RNASET2: variants seen among roughly 807,000 people sequenced by gnomAD.
RNASET2 encodes ribonuclease T2, also known as ribonuclease 6.
A neutral mutation model predicts 33.9 loss-of-function variants in RNASET2; 28 were observed. That is an observed-to-expected ratio of 0.83 (90% CI 0.61 to 1.13). The LOEUF is 1.13. Ranked by LOEUF, RNASET2 falls within the 50% of genes most tolerant of loss-of-function variation. The pLI is 0.00. For missense variants in RNASET2, 330 were observed against 319.9 expected, an observed-to-expected ratio of 1.03 and a Z score of -0.24; for synonymous variants, 123 against 121.0, an observed-to-expected ratio of 1.02 and a Z score of -0.11.
intron 8 of RNASET2, 118 bp downstream of exon 8, chr6:166,930,926 G>T: frequency 1.3e-6 from 1 of 798,764 alleles, no homozygotes; most frequent in South Asian, 1.4e-5. Flanking sequence ...CACATATACA[G>T]ACACAAATGC....
intron 7 of RNASET2, chr6:166,931,485 A>T (rs1778438946): frequency 2.9e-6 from 1 of 344,478 alleles, no homozygotes; most frequent in South Asian, 2.8e-5. Flanking sequence ...TTCGCGGCCC[A>T]TAAAGCTTTC....
intron 8 of RNASET2, among the ~76,000 whole-genome samples, chr6:166,930,542 C>A (rs1192780902): frequency 6.7e-6 from 1 of 149,060 alleles, no homozygotes; most frequent in East Asian, 2.0e-4. Context: ...ACACACATGC[C>A]CACATGCATG....
In RNASET2 at chr6:166,926,566, T is replaced by A. The variant is rs955419926; in HGVS notation, c.*3022A>T. Among the ~76,000 whole-genome samples the A allele has an allele frequency of 1.6e-4, 24 of 150,666 alleles. No homozygotes were observed. Among genetic ancestry groups the A allele is most frequent in the East Asian group, 9.7e-4 (5 of 5,146 alleles). On this transcript the variant is annotated 3_prime_UTR_variant, in exon 9 of 9. Transcript: ENST00000508775. The stretch of plus-strand genomic sequence containing the variant: ...AAAAAAAAGAAAAGAAAAGAAAAGA[T>A]ATCTAGTTCTGAATATGATACAATT...
intron 5 of RNASET2, 102 bp from the exon 6 acceptor site, chr6:166,939,110 G>T: frequency 1.2e-6 from 1 of 812,236 alleles, no homozygotes; most frequent in Non-Finnish European, 2.1e-6. Context: ...GAAGGGGGTG[G>T]ATCACCTGAG....
At chr6:166,943,140 C>G (rs775550915) in intron 4 of RNASET2, 51 bp from the exon 5 acceptor site, 2 of 1,364,326 alleles carry the variant, frequency 1.5e-6, no homozygotes. Flanking sequence ...ATAATAAACT[C>G]AAAACCTAGA....
rs775762975 is a variant in RNASET2, at chr6:166,948,566, T to C, written c.203+4A>G. 7.6e-6 allele frequency: 12 copies of C among 1,588,278 alleles called. No individual in the cohort carries two copies. The highest frequency in any genetic ancestry group is 2.2e-5 in the East Asian group (1 of 44,786). On this transcript the variant is annotated splice_donor_region_variant and intron_variant, in intron 3 of 8. Transcript: ENST00000508775. ...CCTAAGATTTAATTGTGTGAGACAC[T>C]TGCCATAGTCCATGTATTGTCCAGT...
At chr6:166,931,394 G>T (rs1474961567) in intron 7 of RNASET2, 2 of 503,964 alleles carry the variant, frequency 4.0e-6, no homozygotes, top group African/African-American at 3.9e-5. Flanking sequence ...CCTCCTCCCA[G>T]TGTCTTTCTG....
chr6:166,943,889 A>C (rs1266823310), intron 4 of RNASET2: 26 of 356,344 alleles, frequency 7.3e-5, no homozygotes, highest in South Asian at 5.6e-4. Flanking sequence ...TCGGAGGCCG[A>C]TGCGGGCGGA....
intron 2 of RNASET2, among the ~76,000 whole-genome samples, chr6:166,949,952 G>C (rs1778943061): frequency 6.6e-6 from 1 of 152,244 alleles, no homozygotes; most frequent in Non-Finnish European, 1.5e-5. Context: ...GGCTCAAACA[G>C]AACCCTTCAC....
chr6:166,933,985 G>A lies in RNASET2; in HGVS notation c.492+106C>T, dbSNP rs1778506661. 3 of 814,212 alleles carry A rather than the reference G, an allele frequency of 3.7e-6. No homozygotes were observed. The highest frequency in any genetic ancestry group is 2.7e-5 in the South Asian group (2 of 74,950). The allele number at this position is 814,212 out of a possible 1,614,324, so 50.4% of individuals were successfully genotyped here. On this transcript the variant is annotated intron_variant, in intron 7 of 8. Transcript: ENST00000508775. This position sits in a 1 kb window ranked among gnomAD's most constrained non-coding sequence, Gnocchi z 4.1. ...CATGATAACATTTAAGTAGGAAGGG[G>A]GTTTGCACTGGGGCAATTTACAGCC...
In RNASET2 at chr6:166,929,402, G is replaced by A. The variant is rs1778364700; in HGVS notation, c.*186C>T. 1 of 685,512 alleles carries A rather than the reference G, an allele frequency of 1.5e-6. No homozygotes were observed. Among genetic ancestry groups the A allele is most frequent in the South Asian group, 1.7e-5 (1 of 57,698 alleles). 42.5% of individuals were successfully genotyped at this position (685,512 alleles called of 1,614,324 possible). ...AAGCACAAAACAGCCACTCAGGCGTGGGAGAGCTCCTTTCTCCCCGTGTAC... is the reference window on the plus strand; with the variant it reads ...AAGCACAAAACAGCCACTCAGGCGTAGGAGAGCTCCTTTCTCCCCGTGTAC... On this transcript the variant is annotated 3_prime_UTR_variant, in exon 9 of 9. Coordinates refer to ENST00000508775, the MANE Select transcript of RNASET2 (RefSeq NM_003730.6).
In RNASET2 at chr6:166,925,152, T is replaced by TCCAGCCCTCACTCCCGCCGC. The variant is rs1778285554; in HGVS notation, c.*4435_*4436insGCGGCGGGAGTGAGGGCTGG. Among the ~76,000 whole-genome samples the TCCAGCCCTCACTCCCGCCGC allele has an allele frequency of 7.0e-6, 1 of 142,726 alleles. No homozygotes were observed. Among genetic ancestry groups the TCCAGCCCTCACTCCCGCCGC allele is most frequent in the African/African-American group, 2.6e-5 (1 of 38,322 alleles). 93.6% of individuals were successfully genotyped at this position (142,726 alleles called of 152,430 possible). ...TGCTGCCCAGGCCTCATCTACGCCA[T>TCCAGCCCTCACTCCCGCCGC]CCAGCCCTCACTCCTGCCGCCCAGC... is the stretch of plus-strand genomic sequence containing the variant. On this transcript the variant is annotated 3_prime_UTR_variant, in exon 9 of 9. Transcript: ENST00000508775.
intron 5 of RNASET2, among the ~76,000 whole-genome samples, chr6:166,941,311 T>G (rs1217889408): frequency 6.6e-6 from 1 of 152,242 alleles, no homozygotes; most frequent in Non-Finnish European, 1.5e-5. Context: ...TGAAGGCCTT[T>G]GCATGTTTGC....
chr6:166,952,360 G>T, intron 2 of RNASET2, 128 bp downstream of exon 2: 1 of 831,200 alleles, frequency 1.2e-6, no homozygotes, highest in Non-Finnish European at 2.1e-6. Flanking sequence ...AGGAGACACC[G>T]CCCACCCGCC....
At chr6:166,941,336 C>T (rs951881813) in intron 5 of RNASET2, among the ~76,000 whole-genome samples, 5 of 152,122 alleles carry the variant, frequency 3.3e-5, no homozygotes, top group African/African-American at 1.2e-4. Context: ...TTATTTTAAG[C>T]CATTTAGCTA....
rs191499983 is a variant in RNASET2, at chr6:166,952,771, G to A, written c.87-223C>T. 1.1e-5 allele frequency: 6 copies of A among 532,198 alleles called. No individual in the cohort carries two copies. In the Admixed American group the frequency reaches 1.6e-4, roughly 15 times the overall value. The allele number at this position is 532,198 out of a possible 1,614,324, so 33.0% of individuals were successfully genotyped here. Reference sequence around the variant, plus strand: ...TCCAGTGCTGAGTGGCGGAGAACATGAATAGGATAAGGGGAGGAGGGGAGA... The same window carrying A: ...TCCAGTGCTGAGTGGCGGAGAACATAAATAGGATAAGGGGAGGAGGGGAGA... On this transcript the variant is annotated intron_variant, in intron 1 of 8. Transcript: ENST00000508775.
intron 3 of RNASET2, 94 bp from the exon 4 acceptor site, chr6:166,946,833 G>T: frequency 1.3e-6 from 1 of 760,276 alleles, no homozygotes. Context: ...ATTGAAGTCT[G>T]CAAAGAATAA....
chr6:166,936,688 G>A (rs368723607), intron 6 of RNASET2, among the ~76,000 whole-genome samples: 2 of 152,166 alleles, frequency 1.3e-5, no homozygotes, highest in African/African-American at 4.8e-5. Context: ...ACTCATGAGG[G>A]ATCCTTCCCC....
intron 6 of RNASET2, 34 bp downstream of exon 6, chr6:166,938,861 C>G: frequency 6.8e-7 from 1 of 1,480,562 alleles, no homozygotes; most frequent in Non-Finnish European, 9.5e-7. Flanking sequence ...GAGATCCCCA[C>G]TGGGAAGTGC....
Sources: gnomAD v4.1 joint callset for allele counts (sites outside exome capture counted in the v4.1 genomes callset) on GRCh38, gnomAD v4.1.1 for gene constraint, Gnocchi (gnomAD v3.1) non-coding constraint, MANE v1.5 for transcripts, NCBI Gene and HGNC (gene_info 2026-07-23, HGNC 2026-07-21) for gene names.